The following SPATS2 variants were observed in gnomAD, a reference collection of about 807,000 sequenced individuals.
The protein encoded by SPATS2 is spermatogenesis associated serine rich 2.
In SPATS2, 38 loss-of-function variants were observed where a neutral mutation model predicts 63.7. The observed-to-expected ratio is 0.60, with a 90% CI of 0.46 to 0.78. SPATS2 has a LOEUF of 0.78. Ranked by LOEUF, SPATS2 falls within the 30% of genes least tolerant of loss-of-function variation. The pLI is 0.00. For missense variants in SPATS2, 588 were observed against 666.2 expected, an observed-to-expected ratio of 0.88 and a Z score of 1.29; for synonymous variants, 207 against 232.9, an observed-to-expected ratio of 0.89 and a Z score of 1.01.
At position 49,514,535 on chromosome 12, in the gene SPATS2, C is replaced by T; in HGVS notation, c.840-20C>T. 1 of 1,608,592 alleles carries T rather than the reference C, an allele frequency of 6.2e-7. No homozygotes were observed. The highest frequency in any genetic ancestry group is 8.5e-7 in the Non-Finnish European group (1 of 1,177,504). ...TGAGTTTCTGATCAAACTTTTTATT[C>T]CTTTGTCATCTTTTCCTAGTTTAAT... On this transcript the variant is annotated intron_variant, in intron 9 of 13. Coordinates refer to ENST00000552918, the MANE Select transcript of SPATS2 (RefSeq NM_023071.4).
At position 49,461,030 on chromosome 12, in the gene SPATS2, C is replaced by G; in HGVS notation, c.18C>G (p.Asn6Lys). 1.9e-6 allele frequency: 3 copies of G among 1,613,756 alleles called. No individual in the cohort carries two copies. The highest frequency in any genetic ancestry group is 2.5e-6 in the Non-Finnish European group (3 of 1,179,886). Residue 6 changes from asparagine to lysine, a missense_variant, in exon 3 of 14, where the codon AAC becomes AAG. Transcript: ENST00000552918. MSRKQNQKDSSGFIFD... is the reference protein window; with the variant it reads MSRKQKQKDSSGFIFD... ...AAACGACAATGTCCAGGAAACAGAACCAGAAGGGTAAGATTACATGTGGGC... is the reference window on the plus strand; with the variant it reads ...AAACGACAATGTCCAGGAAACAGAAGCAGAAGGGTAAGATTACATGTGGGC...
At chr12:49,487,843 C>T (rs983379015) in intron 4 of SPATS2, among the ~76,000 whole-genome samples, 5 of 152,136 alleles carry the variant, frequency 3.3e-5, no homozygotes, top group Non-Finnish European at 7.4e-5. Flanking sequence ...GATCCTCCCA[C>T]CTCAGCCTCC....
At chr12:49,496,767 T>C in intron 7 of SPATS2, 66 bp from the exon 8 acceptor site, 1 of 1,525,586 alleles carries the variant, frequency 6.6e-7, no homozygotes, top group East Asian at 2.3e-5. Flanking sequence ...GTTTTCTTTG[T>C]GTACTTAAGA....
intron 2 of SPATS2, among the ~76,000 whole-genome samples, chr12:49,376,813 G>A (rs1944114401): frequency 6.8e-6 from 1 of 146,666 alleles, no homozygotes; most frequent in Admixed American, 7.1e-5. Flanking sequence ...CTGCTGTCCG[G>A]ATTCAAGCAA....
At chr12:49,477,488 A>G (rs1330839847) in intron 3 of SPATS2, among the ~76,000 whole-genome samples, 1 of 152,212 alleles carries the variant, frequency 6.6e-6, no homozygotes, top group Non-Finnish European at 1.5e-5. Flanking sequence ...TGGTAATTGG[A>G]CAAGTGTGGA....
In SPATS2 at chr12:49,461,036, G is replaced by A. The variant is rs953367670; in HGVS notation, c.24G>A (p.Lys8=). 1.2e-6 allele frequency: 2 copies of A among 1,613,754 alleles called. No individual in the cohort carries two copies. The highest frequency in any genetic ancestry group is 2.7e-5 in the African/African-American group (2 of 74,900). Residue 8 remains lysine (K), a splice_region_variant and synonymous_variant, in exon 3 of 14, where the codon AAG becomes AAA. Transcript: ENST00000552918. The part of the protein sequence containing the change: MSRKQNQ[K]DSSGFIFDLQ... ...CAATGTCCAGGAAACAGAACCAGAA[G>A]GGTAAGATTACATGTGGGCATAAAT...
chr12:49,447,734 A>G (rs1945541009), intron 2 of SPATS2, among the ~76,000 whole-genome samples: 1 of 152,182 alleles, frequency 6.6e-6, no homozygotes, highest in Admixed American at 6.5e-5. Flanking sequence ...TGTTCATTTC[A>G]TCAGAGTTGT....
At chr12:49,507,325 C>A (rs1034339898) in intron 9 of SPATS2, among the ~76,000 whole-genome samples, 5 of 151,966 alleles carry the variant, frequency 3.3e-5, no homozygotes, top group African/African-American at 9.7e-5. Flanking sequence ...TTTACACTGG[C>A]GGAAAGGTTG....
intron 2 of SPATS2, among the ~76,000 whole-genome samples, chr12:49,420,047 G>T (rs922458691): frequency 2.0e-5 from 3 of 152,112 alleles, no homozygotes; most frequent in Non-Finnish European, 4.4e-5. Flanking sequence ...GTGAGTTGTG[G>T]GCTCTTTGAT....
At position 49,505,377 on chromosome 12, in the gene SPATS2, TTAACTC is replaced by T. The variant is rs376373754; in HGVS notation, c.839+5177_839+5182del. 2.9e-3 allele frequency among the ~76,000 whole-genome samples: 444 copies of T among 152,346 alleles called. 3 individuals carry two copies. The highest frequency in any genetic ancestry group is 9.9e-3 in the African/African-American group (411 of 41,586). On this transcript the variant is annotated intron_variant, in intron 9 of 13. Transcript: ENST00000552918. Reference sequence around the variant, plus strand: ...TTCTTGATATTTTTTTATTTAAAATTTAACTCTAACCATCTGTGAAAATAATTACAG... The same window carrying T: ...TTCTTGATATTTTTTTATTTAAAATTTAACCATCTGTGAAAATAATTACAG...
chr12:49,478,161 T>A (rs1946150749), intron 3 of SPATS2, among the ~76,000 whole-genome samples: 1 of 151,958 alleles, frequency 6.6e-6, no homozygotes, highest in African/African-American at 2.4e-5. Flanking sequence ...AAATTTTTTA[T>A]AGAAATGGGG....
chr12:49,459,747 C>G (rs1945786884), intron 2 of SPATS2, among the ~76,000 whole-genome samples: 1 of 124,350 alleles, frequency 8.0e-6, no homozygotes, highest in African/African-American at 3.3e-5. Flanking sequence ...ACGTCCCCCC[C>G]CCCCCCCATA....
chr12:49,406,844 C>G (rs1422047974), intron 2 of SPATS2, among the ~76,000 whole-genome samples: 8 of 151,868 alleles, frequency 5.3e-5, no homozygotes, highest in Non-Finnish European at 1.2e-4. Context: ...CGTTCTTATT[C>G]TTAAGGATTT....
chr12:49,380,637 C>T (rs1262338233), intron 2 of SPATS2, among the ~76,000 whole-genome samples: 1 of 151,808 alleles, frequency 6.6e-6, no homozygotes, highest in African/African-American at 2.4e-5. Flanking sequence ...ACTCGGGAGG[C>T]AGAGGTTGCA....
chr12:49,374,390 G>A (rs1429963831), intron 2 of SPATS2, among the ~76,000 whole-genome samples: 3 of 152,018 alleles, frequency 2.0e-5, no homozygotes, highest in Non-Finnish European at 2.9e-5. Flanking sequence ...TTGGCCTTCC[G>A]AAGTGCTGGG....
chr12:49,413,564 G>T (rs1029409471), intron 2 of SPATS2, among the ~76,000 whole-genome samples: 3 of 151,802 alleles, frequency 2.0e-5, no homozygotes, highest in African/African-American at 7.3e-5. Context: ...CTGCTCTCTG[G>T]TCACAAATTA....
At chr12:49,387,001 T>G (rs1944328478) in intron 2 of SPATS2, 2 of 152,162 alleles carry the variant, frequency 1.3e-5, no homozygotes, top group Non-Finnish European at 2.9e-5. Flanking sequence ...AGCCAGGTAT[T>G]GGGTAATAGA....
Position 49,461,104 on chromosome 12 carries a change from A to G in SPATS2, c.25+67A>G, listed in dbSNP as rs940340321. ...TAATGATCCCCATTTATAGCTGTAT[A>G]TTTAAAAACTGTCCTTCTAATGTGT... On this transcript the variant is annotated intron_variant, in intron 3 of 13. Coordinates refer to ENST00000552918, the MANE Select transcript of SPATS2 (RefSeq NM_023071.4). The G allele has an allele frequency of 4.6e-6, 7 of 1,524,978 alleles. No individual in the cohort carries two copies. The Admixed American group carries it at 5.2e-5, about 11-fold the overall frequency. 94.5% of individuals were successfully genotyped at this position (1,524,978 alleles called of 1,614,324 possible).
intron 2 of SPATS2, among the ~76,000 whole-genome samples, chr12:49,431,692 A>T (rs1049629582): frequency 6.6e-6 from 1 of 152,238 alleles, no homozygotes; most frequent in Non-Finnish European, 1.5e-5. Context: ...CCTTGAATAC[A>T]TAGGTTTATA....
Sources: gnomAD v4.1 joint callset for allele counts (sites outside exome capture counted in the v4.1 genomes callset) on GRCh38, gnomAD v4.1.1 for gene constraint, MANE v1.5 for transcripts, NCBI Gene and HGNC (gene_info 2026-07-23, HGNC 2026-07-21) for gene names.